PRMT8: variants seen among roughly 807,000 people sequenced by gnomAD.
The protein encoded by PRMT8 is protein arginine methyltransferase 8.
PRMT8 carries 7 observed loss-of-function variants against 47.1 expected under a neutral mutation model. That is an observed-to-expected ratio of 0.15 (90% CI 0.08 to 0.28). The LOEUF is 0.28. PRMT8 is among the 10% of genes least tolerant of loss of function. PRMT8 has a pLI of 1.00. For missense variants in PRMT8, 237 were observed against 505.4 expected (o/e 0.47, Z 5.09); for synonymous variants, 188 against 186.5 (o/e 1.01, Z -0.07).
chr12:3,464,735 C>G (rs1445070893), intron 1 of PRMT8, among the ~76,000 whole-genome samples: 2 of 152,170 alleles, frequency 1.3e-5, no homozygotes, highest in African/African-American at 4.8e-5. Flanking sequence ...CTCATCTGCC[C>G]TGGCCAACCA....
At chr12:3,451,614 G>A (rs185865021) in intron 1 of PRMT8, among the ~76,000 whole-genome samples, 112 of 152,264 alleles carry the variant, frequency 7.4e-4, no homozygotes, top group Middle Eastern at 3.4e-3. Context: ...GGCATACATG[G>A]GTGCTTAGCT....
intron 2 of PRMT8, among the ~76,000 whole-genome samples, chr12:3,548,854 ATATCCT>A (rs1242347273): frequency 6.6e-6 from 1 of 152,228 alleles, no homozygotes; most frequent in African/African-American, 2.4e-5. Flanking sequence ...AAATGAAAAC[ATATCCT>A]TTGCTATTAT....
chr12:3,429,185 A>G (rs866663046), intron 1 of PRMT8, among the ~76,000 whole-genome samples: 5 of 152,104 alleles, frequency 3.3e-5, no homozygotes, highest in South Asian at 2.1e-4. Context: ...CCAAGTGTCT[A>G]TGTACAGGAA....
rs552846284 is a variant in PRMT8, at chr12:3,439,180, TA to T, written c.48+57743del. Among the ~76,000 whole-genome samples, 180 of 152,372 alleles carry T rather than the reference TA, an allele frequency of 1.2e-3. 1 individual carries two copies. Among genetic ancestry groups the T allele is most frequent in the African/African-American group, 4.2e-3 (175 of 41,604 alleles). ...TTTGTGACCTAGATAATAAAAGCAG[TA>T]AAAATAAATCTAACTCTGTTCTATA... On this transcript the variant is annotated intron_variant, in intron 1 of 9. Transcript: ENST00000452611.
rs1591621086 is a variant in PRMT8, at chr12:3,593,457, A to G, written c.*275A>G. The G allele has an allele frequency of 2.2e-6, 1 of 446,154 alleles. No individual in the cohort carries two copies. Among genetic ancestry groups the G allele is most frequent in the Non-Finnish European group, 4.0e-6 (1 of 250,108 alleles). The allele number at this position is 446,154 out of a possible 1,614,324, so 27.6% of individuals were successfully genotyped here. A position where few individuals can be genotyped will look rare whatever the true frequency, so the allele number is the denominator to read the frequency against. On this transcript the variant is annotated 3_prime_UTR_variant, in exon 10 of 10. Coordinates refer to ENST00000382622, the MANE Select transcript of PRMT8 (RefSeq NM_019854.5). This position sits in a 1 kb window ranked among gnomAD's most constrained non-coding sequence, Gnocchi z 4.8. ...TGCTGTGGCTGGGCCCCGAGGGTGG[A>G]AACGTATTCGCGTCTCCCCGTCTCC...
At chr12:3,468,369 C>G (rs1565415165) in intron 1 of PRMT8, among the ~76,000 whole-genome samples, 2 of 152,168 alleles carry the variant, frequency 1.3e-5, no homozygotes, top group Non-Finnish European at 2.9e-5. Flanking sequence ...GCACAGAGAC[C>G]TTGTTTTTGT....
At chr12:3,459,008 T>A (rs1289860530) in intron 1 of PRMT8, among the ~76,000 whole-genome samples, 1 of 152,226 alleles carries the variant, frequency 6.6e-6, no homozygotes, top group Non-Finnish European at 1.5e-5. Context: ...TCTCTGAAAC[T>A]GTGGATATGA....
intron 6 of PRMT8, among the ~76,000 whole-genome samples, chr12:3,573,572 A>G (rs965732813): frequency 2.0e-5 from 3 of 152,330 alleles, no homozygotes; most frequent in Non-Finnish European, 2.9e-5. Context: ...TGTGAGTAAA[A>G]GGACCAGTAG....
intron 4 of PRMT8, among the ~76,000 whole-genome samples, chr12:3,558,703 T>C (rs1316608909): frequency 2.0e-5 from 3 of 152,208 alleles, no homozygotes; most frequent in Non-Finnish European, 2.9e-5. Flanking sequence ...TTCCTCGTGA[T>C]TGGATTCAGG....
At position 3,456,584 on chromosome 12, in the gene PRMT8, C is replaced by T. The variant is rs1285527025; in HGVS notation, c.48+75142C>T. ...AACAGCCTTCTCCTCGCGAAACGCCCGGGACCATCCGTCTGAATTACCCAC... is the reference window on the plus strand; with the variant it reads ...AACAGCCTTCTCCTCGCGAAACGCCTGGGACCATCCGTCTGAATTACCCAC... On this transcript the variant is annotated intron_variant, in intron 1 of 9. Coordinates refer to the PRMT8 transcript ENST00000452611. This position sits in a 1 kb window ranked among gnomAD's most constrained non-coding sequence, Gnocchi z 4.2. Among the ~76,000 whole-genome samples the T allele has an allele frequency of 2.6e-5, 4 of 152,196 alleles. No homozygotes were observed. Among genetic ancestry groups the T allele is most frequent in the Non-Finnish European group, 4.4e-5 (3 of 68,014 alleles).
intron 8 of PRMT8, among the ~76,000 whole-genome samples, chr12:3,585,000 C>G (rs1867141162): frequency 6.6e-6 from 1 of 152,148 alleles, no homozygotes; most frequent in Non-Finnish European, 1.5e-5. Context: ...TTTTTTTAAA[C>G]AACCACACAG....
chr12:3,384,629 G>A (rs1565395197), intron 1 of PRMT8, among the ~76,000 whole-genome samples: 1 of 152,044 alleles, frequency 6.6e-6, no homozygotes, highest in Non-Finnish European at 1.5e-5. Flanking sequence ...CCGCTAGTAG[G>A]GGATGTTCTC....
chr12:3,490,480 G>A (rs1282450260), upstream of PRMT8, among the ~76,000 whole-genome samples: 3 of 151,658 alleles, frequency 2.0e-5, no homozygotes, highest in African/African-American at 7.3e-5. Context: ...ATCTGGCGAT[G>A]GTGGGGGAAG....
chr12:3,587,091 G>T (rs1867194615), intron 8 of PRMT8, among the ~76,000 whole-genome samples: 1 of 151,874 alleles, frequency 6.6e-6, no homozygotes, highest in South Asian at 2.1e-4. Flanking sequence ...CAGATGCACA[G>T]ACTTAGATTA....
chr12:3,393,547 G>A (rs1015822075), intron 1 of PRMT8, among the ~76,000 whole-genome samples: 1 of 152,062 alleles, frequency 6.6e-6, no homozygotes, highest in African/African-American at 2.4e-5. Context: ...TATTTCTGAG[G>A]GCTCTGTTCT....
Position 3,497,706 on chromosome 12 carries a change from C to T in PRMT8, c.75+6006C>T, listed in dbSNP as rs552889657. 4.4e-4 allele frequency among the ~76,000 whole-genome samples: 66 copies of T among 149,034 alleles called. No individual in the cohort carries two copies. The South Asian group carries it at 0.014, about 31-fold the overall frequency. ...ACATCAAATGTCTTTTCTTACTTCA[C>T]TTGTTATAAGAATTCCCTCAAGCAT... On this transcript the variant is annotated intron_variant, in intron 1 of 9. Coordinates refer to ENST00000382622, the MANE Select transcript of PRMT8 (RefSeq NM_019854.5).
chr12:3,540,562 C>T (rs758729052), intron 1 of PRMT8, 44 bp from the exon 2 acceptor site: 1 of 1,341,712 alleles, frequency 7.5e-7, no homozygotes, highest in Non-Finnish European at 1.1e-6. Context: ...AGGGCGGGAC[C>T]CCGTTGTCTC....
chr12:3,381,593 C>T (rs551023307), intron 1 of PRMT8, among the ~76,000 whole-genome samples: 45 of 152,220 alleles, frequency 3.0e-4, no homozygotes, highest in Admixed American at 1.1e-3. Context: ...TCATAACATG[C>T]TGCTCTGGGC....
intron 1 of PRMT8, among the ~76,000 whole-genome samples, chr12:3,512,417 AT>A (rs1263396497): frequency 6.6e-5 from 10 of 152,054 alleles, no homozygotes; most frequent in Non-Finnish European, 1.3e-4. Context: ...GGCACTTTAA[AT>A]TCAACATGAC....
Sources: gnomAD v4.1 joint callset for allele counts (sites outside exome capture counted in the v4.1 genomes callset) on GRCh38, gnomAD v4.1.1 for gene constraint, Gnocchi (gnomAD v3.1) non-coding constraint, MANE v1.5 for transcripts, NCBI Gene and HGNC (gene_info 2026-07-23, HGNC 2026-07-21) for gene names.